Variants in LPP observed in about 807,000 individuals in gnomAD.
LPP encodes the protein LIM domain containing preferred translocation partner in lipoma.
A neutral mutation model predicts 60.4 loss-of-function variants in LPP; 38 were observed. The observed-to-expected ratio is 0.63, with a 90% CI of 0.49 to 0.83. LPP has a LOEUF of 0.83. Among genes scored for constraint, LPP ranks in the 40% least tolerant of loss-of-function variants. LPP has a pLI of 0.00. For missense variants in LPP, 902 were observed against 783.6 expected (o/e 1.15, Z -1.80); for synonymous variants, 328 against 290.8 (o/e 1.13, Z -1.30).
At chr3:188,722,791 G>T (rs1716966726) in intron 8 of LPP, among the ~76,000 whole-genome samples, 1 of 152,056 alleles carries the variant, frequency 6.6e-6, no homozygotes, top group South Asian at 2.1e-4. Context: ...AAATAAGTCG[G>T]TATGAAAAAG....
chr3:188,657,256 G>GTATATATATATATATATATATA (rs1441803027), intron 7 of LPP, among the ~76,000 whole-genome samples: 2 of 5,782 alleles, frequency 3.5e-4, no homozygotes, highest in East Asian at 0.014. Context: ...AGCTGTCAAG[G>GTATATATATATATATATATATA]TGTATATATA....
chr3:188,769,597 T>C (rs1335682888), intron 9 of LPP, among the ~76,000 whole-genome samples: 1 of 152,196 alleles, frequency 6.6e-6, no homozygotes, highest in Non-Finnish European at 1.5e-5. Context: ...AGAAATTCAA[T>C]AATGCCATTT....
chr3:188,769,712 C>T (rs1356666405), intron 9 of LPP, among the ~76,000 whole-genome samples: 1 of 152,100 alleles, frequency 6.6e-6, no homozygotes, highest in African/African-American at 2.4e-5. Flanking sequence ...CTTCATGAGG[C>T]CTTCAAAGAA....
At chr3:188,351,765 G>GAGT (rs1223985434) in intron 3 of LPP, among the ~76,000 whole-genome samples, 1 of 152,168 alleles carries the variant, frequency 6.6e-6, no homozygotes, top group Admixed American at 6.5e-5. Flanking sequence ...GGGCTCTGCA[G>GAGT]AGTAGCATGC....
intron 6 of LPP, among the ~76,000 whole-genome samples, chr3:188,563,716 G>GTT (rs369454193): frequency 1.7e-4 from 18 of 107,966 alleles, no homozygotes; most frequent in Admixed American, 5.4e-4. Context: ...GGAATTGCTT[G>GTT]TGTTTTTTTT....
At chr3:188,190,701 C>T (rs1438754949) in intron 1 of LPP, among the ~76,000 whole-genome samples, 1 of 152,186 alleles carries the variant, frequency 6.6e-6, no homozygotes, top group African/African-American at 2.4e-5. Flanking sequence ...TGTGTTTTTA[C>T]ATCCTAGTCC....
intron 2 of LPP, among the ~76,000 whole-genome samples, chr3:188,247,441 A>T (rs1433207286): frequency 3.3e-5 from 5 of 152,270 alleles, no homozygotes; most frequent in Admixed American, 1.3e-4. Context: ...TTTTCTATAG[A>T]TTGGTGAAAT....
chr3:188,687,172 C>T (rs1448849784), intron 7 of LPP, among the ~76,000 whole-genome samples: 1 of 152,168 alleles, frequency 6.6e-6, no homozygotes, highest in East Asian at 1.9e-4. Context: ...TCATCTAGTT[C>T]GGTTTCAGCT....
intron 8 of LPP, among the ~76,000 whole-genome samples, chr3:188,727,995 A>C (rs7650683): frequency 0.21 from 32,687 of 152,128 alleles, 4,433 homozygotes; most frequent in Middle Eastern, 0.46. Context: ...TCATAGAATT[A>C]TAAGATCATA....
Position 188,308,989 on chromosome 3 carries a change from C to CTCCCTT in LPP, c.-66-32674_-66-32673insTCCCTT, listed in dbSNP as rs1553857267. ...CTCCTTTCTCCTTCTCCTCCTCCCT[C>CTCCCTT]CTCTCCTTCTCCTTCTTCTTTTTCT... On this transcript the variant is annotated intron_variant, in intron 2 of 11. Transcript: ENST00000617246. 5.3e-3 allele frequency among the ~76,000 whole-genome samples: 783 copies of CTCCCTT among 148,692 alleles called. 9 individuals carry two copies. The highest frequency in any genetic ancestry group is 0.019 in the African/African-American group (757 of 40,138).
chr3:188,756,920 TA>T (rs1311332505), intron 8 of LPP, among the ~76,000 whole-genome samples: 1 of 152,246 alleles, frequency 6.6e-6, no homozygotes, highest in African/African-American at 2.4e-5. Flanking sequence ...TCTGTTTTCA[TA>T]GCTGAGAAGG....
chr3:188,748,182 C>A (rs948757532), intron 8 of LPP, among the ~76,000 whole-genome samples: 1 of 152,014 alleles, frequency 6.6e-6, no homozygotes, highest in Non-Finnish European at 1.5e-5. Context: ...TAGAGGAATT[C>A]TTTGCATTTT....
At chr3:188,221,364 T>G (rs1042898810) in intron 1 of LPP, among the ~76,000 whole-genome samples, 2 of 152,188 alleles carry the variant, frequency 1.3e-5, no homozygotes, top group Admixed American at 6.5e-5. Context: ...CTGTCTTTTG[T>G]GTTCCAGTGT....
chr3:188,322,956 C>T (rs1757369297), intron 2 of LPP, among the ~76,000 whole-genome samples: 1 of 152,200 alleles, frequency 6.6e-6, no homozygotes, highest in African/African-American at 2.4e-5. Flanking sequence ...CAATAGTCAT[C>T]TTCCATCTTC....
At chr3:188,740,633 T>C (rs1724087677) in intron 8 of LPP, among the ~76,000 whole-genome samples, 1 of 151,966 alleles carries the variant, frequency 6.6e-6, no homozygotes, top group Non-Finnish European at 1.5e-5. Context: ...CCTGAACTCA[T>C]AGGGTAAGGA....
At chr3:188,232,504 ATTTTTTTT>A (rs71634069) in intron 2 of LPP, among the ~76,000 whole-genome samples, 225 of 103,240 alleles carry the variant, frequency 2.2e-3, no homozygotes, top group African/African-American at 6.7e-3. Flanking sequence ...ACACCCGGCT[ATTTTTTTT>A]TTTTTTTTTT....
chr3:188,272,545 G>A (rs1011513072), intron 2 of LPP, among the ~76,000 whole-genome samples: 3 of 152,146 alleles, frequency 2.0e-5, no homozygotes, highest in East Asian at 1.9e-4. Context: ...CTCTCTGTGA[G>A]CCTTTTGCTA....
intron 9 of LPP, among the ~76,000 whole-genome samples, chr3:188,820,316 A>G (rs752203416): frequency 3.3e-5 from 5 of 151,770 alleles, no homozygotes; most frequent in African/African-American, 7.3e-5. Flanking sequence ...TGTGTGTTCA[A>G]TTGAGTCAAG....
At chr3:188,615,523 C>G (rs1255578908) in intron 7 of LPP, among the ~76,000 whole-genome samples, 1 of 152,136 alleles carries the variant, frequency 6.6e-6, no homozygotes, top group Non-Finnish European at 1.5e-5. Flanking sequence ...GGAGAATATC[C>G]TATGTTTCTA....
Sources: allele counts gnomAD v4.1 joint callset (sites outside exome capture counted in the v4.1 genomes callset), GRCh38; gene constraint gnomAD v4.1.1; transcripts MANE v1.5; gene names NCBI Gene and HGNC (gene_info 2026-07-23, HGNC 2026-07-21).